FBXO16: variants seen among roughly 807,000 people sequenced by gnomAD.
The protein encoded by FBXO16 is F-box protein 16, also known as F-box only protein 16.
In FBXO16, 31 loss-of-function variants were observed where a neutral mutation model predicts 41.0. The ratio of observed to expected loss-of-function variants is 0.76; its 90% CI spans 0.57 to 1.02. The LOEUF is 1.02. Among genes scored for constraint, FBXO16 ranks in the 50% least tolerant of loss-of-function variants. FBXO16 has a pLI of 0.00. For synonymous variants in FBXO16, 133 were observed against 117.8 expected (o/e 1.13, Z -0.84); for missense variants, 361 against 346.2 (o/e 1.04, Z -0.34).
At chr8:28,467,111 A>G (rs895274492) in intron 3 of FBXO16, among the ~76,000 whole-genome samples, 1 of 152,100 alleles carries the variant, frequency 6.6e-6, no homozygotes, top group Non-Finnish European at 1.5e-5. Flanking sequence ...AATTCATTCT[A>G]AAATTACTTT....
Position 28,447,245 on chromosome 8 carries a change from CTGGGGTCATT to C in FBXO16, c.759_768del (p.Met254ThrfsTer19). 6.2e-7 allele frequency: 1 copy of C among 1,613,546 alleles called. No individual in the cohort carries two copies. Among genetic ancestry groups the C allele is most frequent in the Non-Finnish European group, 8.5e-7 (1 of 1,179,942 alleles). On this transcript the variant is annotated frameshift_variant, in exon 7 of 9. Transcript: ENST00000380254. LOFTEE classifies it high-confidence loss of function. ...TTATCATGTGACTGTCGGCTGAAGT[CTGGGGTCATT>C]TGGTTTCTTTTTCTTCTTCTGTAAA...
At chr8:28,451,561 A>AT (rs1439968297) in intron 6 of FBXO16, among the ~76,000 whole-genome samples, 1 of 151,310 alleles carries the variant, frequency 6.6e-6, no homozygotes, top group Non-Finnish European at 1.5e-5. Flanking sequence ...AATATTTTAT[A>AT]TATATATATT....
intron 7 of FBXO16, among the ~76,000 whole-genome samples, chr8:28,445,019 C>T (rs1026555304): frequency 3.9e-5 from 6 of 151,948 alleles, no homozygotes; most frequent in Non-Finnish European, 5.9e-5. Flanking sequence ...CTGAGTCACA[C>T]CCGCCTTGTA....
chr8:28,452,945 A>G (rs1274776630), intron 5 of FBXO16, among the ~76,000 whole-genome samples: 2 of 152,020 alleles, frequency 1.3e-5, no homozygotes, highest in Non-Finnish European at 2.9e-5. Context: ...TATCATCATC[A>G]TCATCATTGC....
rs372341708 is a variant in FBXO16, at chr8:28,449,378, G to C, written c.741-2105C>G. Among the ~76,000 whole-genome samples the C allele has an allele frequency of 1.1e-4, 16 of 145,286 alleles. 1 individual carries two copies. Among genetic ancestry groups the C allele is most frequent in the African/African-American group, 3.9e-4 (15 of 38,670 alleles). Reference sequence around the variant, plus strand: ...GCTCTGTCACCCAGGCTGGAGTGCAGTGGCACAACCATGGCTCATTGCAGC... The same window carrying C: ...GCTCTGTCACCCAGGCTGGAGTGCACTGGCACAACCATGGCTCATTGCAGC... On this transcript the variant is annotated intron_variant, in intron 6 of 8. Transcript: ENST00000380254.
intron 7 of FBXO16, among the ~76,000 whole-genome samples, chr8:28,443,515 G>T (rs2130104157): frequency 6.6e-6 from 1 of 152,246 alleles, no homozygotes; most frequent in East Asian, 1.9e-4. Context: ...CCCTAAGTTT[G>T]TCCTGCTCAC....
intron 3 of FBXO16, among the ~76,000 whole-genome samples, chr8:28,468,072 G>A (rs1803273651): frequency 1.3e-5 from 2 of 152,124 alleles, no homozygotes; most frequent in Admixed American, 6.5e-5. Flanking sequence ...ATAATCCATG[G>A]AGGGGTTAAC....
intron 7 of FBXO16, among the ~76,000 whole-genome samples, chr8:28,440,277 A>AT (rs1256290212): frequency 1.4e-4 from 21 of 151,694 alleles, no homozygotes; most frequent in East Asian, 5.8e-4. Flanking sequence ...TAATTATTTT[A>AT]TTTTTTTGCA....
chr8:28,487,988 G>T (rs1006760943), intron 1 of FBXO16, among the ~76,000 whole-genome samples: 4 of 151,910 alleles, frequency 2.6e-5, no homozygotes, highest in Non-Finnish European at 5.9e-5. Flanking sequence ...AAGTAGCTGG[G>T]ATTATAGGCG....
At chr8:28,479,753 C>G (rs1376421496) in intron 2 of FBXO16, among the ~76,000 whole-genome samples, 1 of 152,072 alleles carries the variant, frequency 6.6e-6, no homozygotes, top group Non-Finnish European at 1.5e-5. Context: ...GTCTCTCTCT[C>G]TCTGTCACTC....
chr8:28,450,999 G>T (rs1585900524), intron 6 of FBXO16, among the ~76,000 whole-genome samples: 2 of 152,254 alleles, frequency 1.3e-5, no homozygotes, highest in Middle Eastern at 3.4e-3. Context: ...GACAGATCCA[G>T]TCCAATGGTC....
Position 28,452,285 on chromosome 8 carries a change from A to C in FBXO16, c.699T>G (p.Asn233Lys). ...CCATGGGGTCACGGTTGTCTAGGTA[A>C]TTAAAACGAATGATATCTGTTGGGT... is the stretch of plus-strand genomic sequence containing the variant. The part of the protein sequence containing the change: ...DKHPTDIIRF[N>K]YLDNRDPMET... The change falls in exon 6 of 9, where the codon AAT becomes AAG. Residue 233 changes from asparagine (N) to lysine (K), a missense_variant. Coordinates refer to ENST00000380254, the MANE Select transcript of FBXO16 (RefSeq NM_172366.4). 6 of 1,614,206 alleles carry C rather than the reference A, an allele frequency of 3.7e-6. No homozygotes were observed. The highest frequency in any genetic ancestry group is 5.1e-6 in the Non-Finnish European group (6 of 1,180,046).
chr8:28,489,024 T>C (rs1803646061), intron 1 of FBXO16, among the ~76,000 whole-genome samples: 1 of 152,082 alleles, frequency 6.6e-6, no homozygotes, highest in Admixed American at 6.5e-5. Flanking sequence ...GTTAAATCAA[T>C]AGAAAAAATG....
chr8:28,456,163 A>AT (rs1342446406), intron 5 of FBXO16, among the ~76,000 whole-genome samples: 5 of 151,900 alleles, frequency 3.3e-5, no homozygotes, highest in African/African-American at 1.2e-4. Context: ...ATACGAATGA[A>AT]TATAAGCATT....
intron 7 of FBXO16, among the ~76,000 whole-genome samples, chr8:28,445,419 T>C (rs1802848118): frequency 6.6e-6 from 1 of 152,212 alleles, no homozygotes; most frequent in East Asian, 1.9e-4. Context: ...GGAGAAATGT[T>C]TGACTGTGCT....
chr8:28,486,898 C>T (rs887823318), intron 1 of FBXO16, among the ~76,000 whole-genome samples: 3 of 152,048 alleles, frequency 2.0e-5, no homozygotes, highest in Non-Finnish European at 4.4e-5. Context: ...TTAAGAGCTA[C>T]ATGGCTCTTG....
intron 7 of FBXO16, among the ~76,000 whole-genome samples, chr8:28,433,508 G>A (rs1273076688): frequency 6.6e-6 from 1 of 152,176 alleles, no homozygotes; most frequent in African/African-American, 2.4e-5. Context: ...GTACCAGTGG[G>A]GAGAGGCATG....
chr8:28,472,389 T>C (rs1803352319), intron 3 of FBXO16, among the ~76,000 whole-genome samples: 3 of 152,150 alleles, frequency 2.0e-5, no homozygotes, highest in Admixed American at 2.0e-4. Context: ...TTGTGAGCCA[T>C]TGCACCTGAC....
At chr8:28,449,315 CTTTTTTTT>C (rs59021779) in intron 6 of FBXO16, among the ~76,000 whole-genome samples, 1 of 94,842 alleles carries the variant, frequency 1.1e-5, no homozygotes, top group Non-Finnish European at 2.0e-5. Context: ...ATGTAGACTT[CTTTTTTTT>C]TTTTTTTTTT....
Sources: allele counts gnomAD v4.1 joint callset (sites outside exome capture counted in the v4.1 genomes callset), GRCh38; gene constraint gnomAD v4.1.1; transcripts MANE v1.5; gene names NCBI Gene and HGNC (gene_info 2026-07-23, HGNC 2026-07-21).